CD320: variants seen among roughly 807,000 people sequenced by gnomAD.
The protein encoded by CD320 is CD320 molecule.
A neutral mutation model predicts 22.1 loss-of-function variants in CD320; 16 were observed. The observed-to-expected ratio is 0.73, with a 90% CI of 0.49 to 1.10. CD320 has a LOEUF of 1.10. Ranked by LOEUF, CD320 falls within the 50% of genes least tolerant of loss-of-function variation. The probability of loss-of-function intolerance (pLI) is 0.00; values close to 1 mark genes in which losing one functional copy is unlikely to be tolerated. For missense variants in CD320, 388 were observed against 376.9 expected (o/e 1.03, Z -0.24); for synonymous variants, 188 against 167.8 (o/e 1.12, Z -0.93).
intron 2 of CD320, 21 bp from the exon 3 acceptor site, chr19:8,304,109 G>A: frequency 7.6e-7 from 1 of 1,310,446 alleles, no homozygotes. Flanking sequence ...GGGTTGGTCA[G>A]GTCCCAAATG....
chr19:8,304,929 C>T, intron 2 of CD320, 102 bp downstream of exon 2: 1 of 1,405,720 alleles, frequency 7.1e-7, no homozygotes, highest in South Asian at 1.2e-5. Flanking sequence ...ATCCCTGCGG[C>T]CCTGCCTTTC....
chr19:8,308,021 A>G, intron 1 of CD320, 128 bp downstream of exon 1: 1 of 990,210 alleles, frequency 1.0e-6, no homozygotes. Flanking sequence ...GATGAAGTCC[A>G]AGTCCACGTG....
At chr19:8,304,984 T>C in intron 2 of CD320, 47 bp downstream of exon 2, 3 of 1,595,486 alleles carry the variant, frequency 1.9e-6, no homozygotes, top group Non-Finnish European at 2.5e-6. Flanking sequence ...CAAACCACCC[T>C]CAGGCCCCGC....
intron 1 of CD320, 109 bp downstream of exon 1, chr19:8,308,040 G>A (rs1270531947): frequency 4.0e-5 from 44 of 1,096,676 alleles, no homozygotes; most frequent in Non-Finnish European, 5.3e-5. Context: ...TGCTGGGGGA[G>A]TGTCATGAAC....
In CD320 at chr19:8,302,841, G is replaced by C. The variant is rs758108600; in HGVS notation, c.642C>G (p.Ala214=). The C allele has an allele frequency of 6.2e-7, 1 of 1,614,138 alleles. No individual in the cohort carries two copies. Among genetic ancestry groups the C allele is most frequent in the South Asian group, 1.1e-5 (1 of 91,088 alleles). The change falls in exon 4 of 5, where the codon GCC becomes GCG. Residue 214 remains alanine (A), a synonymous_variant. Transcript: ENST00000301458. ...ACTGGTCTCCGGCAGAGGAGGATGT[G>C]GCATTCCCGACAGAGGGGACACTCT... ...TLESVPSVGN[A]TSSSAGDQSG...
chr19:8,305,404 A>T (rs546514309), intron 1 of CD320: 1 of 446,398 alleles, frequency 2.2e-6, no homozygotes, highest in African/African-American at 2.0e-5. Context: ...AACCAAGAGG[A>T]GGCCATACAG....
At position 8,308,259 on chromosome 19, in the gene CD320, G is replaced by C. The variant is rs567898376; in HGVS notation, c.32C>G (p.Ala11Gly). The change falls in exon 1 of 5, where the codon GCG becomes GGG. Residue 11 changes from alanine (A) to glycine (G), a missense_variant. Physicochemically the swap from Ala to Gly is moderately conservative, Grantham distance 60. Transcript: ENST00000301458. ...CAGGCCCAGAGCCCCTGTTCGCCACGCTCCAACCTGCGCCATCCAACCGCC... is the reference window on the plus strand; with the variant it reads ...CAGGCCCAGAGCCCCTGTTCGCCACCCTCCAACCTGCGCCATCCAACCGCC... MSGGWMAQVG[A>G]WRTGALGLAL... is the part of the protein sequence containing the mutation. 1 of 1,582,944 alleles carries C rather than the reference G, an allele frequency of 6.3e-7. No individual in the cohort carries two copies. Among genetic ancestry groups the C allele is most frequent in the Admixed American group, 1.7e-5 (1 of 58,326 alleles).
intron 3 of CD320, 83 bp from the exon 4 acceptor site, chr19:8,303,063 G>A: frequency 1.7e-6 from 2 of 1,156,530 alleles, no homozygotes; most frequent in South Asian, 1.3e-5. Context: ...AGCCCTTGGG[G>A]TTTATCCTCA....
rs749145394 is a variant in CD320 at position 8,308,169 on chromosome 19, G to A, written c.122C>T (p.Pro41Leu). Residue 41 changes from proline (P) to leucine (L), a missense_variant, in exon 1 of 5, where the codon CCG (proline) becomes CTG (leucine). By Grantham distance (98) the Pro-to-Leu change is moderately conservative (BLOSUM62 -3). Transcript: ENST00000301458. ...LEAAASPLST[P>L]TSAQAAGPSS... ...CTCACCTGCGGCCTGGGCAGAGGTC[G>A]GGGTGGAAAGCGGGCTCGCGGCGGC... The A allele has an allele frequency of 1.9e-6, 3 of 1,550,534 alleles. No individual in the cohort carries two copies. The highest frequency in any genetic ancestry group is 3.8e-5 in the Admixed American group (2 of 53,264).
rs374551944 is a variant in CD320 at position 8,308,250 on chromosome 19, G to A, written c.41C>T (p.Thr14Ile). Residue 14 changes from threonine (T) to isoleucine (I), a missense_variant, in exon 1 of 5, where the codon ACA (threonine) becomes ATA (isoleucine). Coordinates refer to ENST00000301458, the MANE Select transcript of CD320 (RefSeq NM_016579.4). ...GWMAQVGAWR[T>I]GALGLALLLL... ...CAGCAGCGCCAGGCCCAGAGCCCCT[G>A]TTCGCCACGCTCCAACCTGCGCCAT... 278 of 1,584,002 alleles carry A rather than the reference G, an allele frequency of 1.8e-4. No individual in the cohort carries two copies. The highest frequency in any genetic ancestry group is 5.0e-4 in the Middle Eastern group (3 of 6,008).
At chr19:8,305,404 A>C (rs546514309) in intron 1 of CD320, 1 of 446,398 alleles carries the variant, frequency 2.2e-6, no homozygotes, top group East Asian at 4.6e-5. Flanking sequence ...AACCAAGAGG[A>C]GGCCATACAG....
chr19:8,303,749 G>A, intron 3 of CD320, 106 bp downstream of exon 3: 1 of 768,792 alleles, frequency 1.3e-6, no homozygotes, highest in Non-Finnish European at 2.2e-6. Flanking sequence ...CAGGGATGCA[G>A]GCACGGGCAA....
At chr19:8,305,543 T>TA (rs1411039550) in intron 1 of CD320, 11 of 248,884 alleles carry the variant, frequency 4.4e-5, no homozygotes. Context: ...CCGTCTCTGT[T>TA]AAAAATACAA....
At position 8,308,188 on chromosome 19, in the gene CD320, C is replaced by T. The variant is rs745728933; in HGVS notation, c.103G>A (p.Ala35Thr). 7 of 1,558,256 alleles carry T rather than the reference C, an allele frequency of 4.5e-6. No homozygotes were observed. The highest frequency in any genetic ancestry group is 2.4e-5 in the East Asian group (1 of 42,100). ...GAGGTCGGGGTGGAAAGCGGGCTCGCGGCGGCCTCCAGGCCTAGTCCGAGG... is the reference window on the plus strand; with the variant it reads ...GAGGTCGGGGTGGAAAGCGGGCTCGTGGCGGCCTCCAGGCCTAGTCCGAGG... ...LGLGLGLEAA[A>T]SPLSTPTSAQ... is the part of the protein sequence containing the mutation. The change falls in exon 1 of 5, where the codon GCG becomes ACG. Residue 35 changes from alanine to threonine, a missense_variant. Transcript: ENST00000301458.
chr19:8,302,429 A>G lies in CD320; in HGVS notation c.*34T>C. 6.2e-7 allele frequency: 1 copy of G among 1,613,888 alleles called. No homozygotes were observed. The highest frequency in any genetic ancestry group is 8.5e-7 in the Non-Finnish European group (1 of 1,179,930). On this transcript the variant is annotated 3_prime_UTR_variant, in exon 5 of 5. Transcript: ENST00000301458. ...GCTCTCCTCCTGTCCGGCTACGCCC[A>G]GGGCTGAGTGACGGTGGTGGCAAGT...
At chr19:8,308,101 G>A (rs1970121483) in intron 1 of CD320, 48 bp downstream of exon 1, 15 of 1,427,972 alleles carry the variant, frequency 1.1e-5, no homozygotes, top group Non-Finnish European at 1.2e-5. Context: ...CGGCGGCGGG[G>A]CGAAGCCTCG....
Position 8,305,042 on chromosome 19 carries a change from T to C in CD320, c.257A>G (p.Glu86Gly). Residue 86 changes from glutamate (E) to glycine (G), a missense_variant, in exon 2 of 5, where the codon GAG (glutamate) becomes GGG (glycine). Glu to Gly is a moderately conservative substitution (Grantham distance 98). Transcript: ENST00000301458. ...RDLDCSDGSDEEECRIEPCTQ... is the reference protein window; with the variant it reads ...RDLDCSDGSDGEECRIEPCTQ... The stretch of plus-strand genomic sequence containing the variant: ...GCGTGGCCACTCACTGCACTCCTCC[T>C]CATCGCTGCCATCGCTGCAGTCCAA... The C allele has an allele frequency of 6.2e-7, 1 of 1,608,706 alleles. No individual in the cohort carries two copies. The highest frequency in any genetic ancestry group is 8.5e-7 in the Non-Finnish European group (1 of 1,179,814).
chr19:8,307,260 G>A (rs1419265587), intron 1 of CD320, among the ~76,000 whole-genome samples: 3 of 150,220 alleles, frequency 2.0e-5, no homozygotes, highest in African/African-American at 7.4e-5. Context: ...CTGCACTCCA[G>A]CCAGGGCGAC....
chr19:8,302,961 C>A lies in CD320; in HGVS notation c.522G>T (p.Pro174=), dbSNP rs79658260. Residue 174 remains proline (P), a synonymous_variant, in exon 4 of 5, where the codon CCG becomes CCT. Coordinates refer to ENST00000301458, the MANE Select transcript of CD320 (RefSeq NM_016579.4). ...GCCCCATGGTTGTGGCATCCCCTTC[C>A]GGGAGGATCTCATTGGTTCCTGCAA... ...ELGCGTNEIL[P]EGDATTMGPP... 14,783 of 1,613,880 alleles carry A rather than the reference C, an allele frequency of 9.2e-3. 83 individuals carry two copies. The highest frequency in any genetic ancestry group is 0.011 in the Non-Finnish European group (12,623 of 1,179,930).
Sources: gnomAD v4.1 joint callset for allele counts (sites outside exome capture counted in the v4.1 genomes callset) on GRCh38, gnomAD v4.1.1 for gene constraint, MANE v1.5 for transcripts, NCBI Gene and HGNC (gene_info 2026-07-23, HGNC 2026-07-21) for gene names.